AGO2: variants seen among roughly 807,000 people sequenced by gnomAD.
The protein encoded by AGO2 is argonaute RISC catalytic component 2.
In AGO2, 5 loss-of-function variants were observed where a neutral mutation model predicts 102.3. The ratio of observed to expected loss-of-function variants is 0.05; its 90% CI spans 0.03 to 0.10. The LOEUF is 0.10. AGO2 is among the 10% of genes least tolerant of loss of function. The pLI, the probability that AGO2 is intolerant of heterozygous loss-of-function variation, is 1.00. For missense variants in AGO2, 541 were observed against 1,183.7 expected (o/e 0.46, Z 7.97); for synonymous variants, 449 against 473.1 (o/e 0.95, Z 0.66).
chr8:140,551,654 G>GATGGGTGGGTGGATGGTTA (rs2072998330), intron 10 of AGO2, among the ~76,000 whole-genome samples: 1 of 151,708 alleles, frequency 6.6e-6, no homozygotes, highest in Non-Finnish European at 1.5e-5. Flanking sequence ...GTGGATGGTT[G>GATGGGTGGGTGGATGGTTA]ATGGGTGGGT....
At chr8:140,545,939 G>A (rs1439542156) in intron 13 of AGO2, among the ~76,000 whole-genome samples, 1 of 152,166 alleles carries the variant, frequency 6.6e-6, no homozygotes, top group East Asian at 1.9e-4. Context: ...CACGTGGGAG[G>A]GCCTGTCTCT....
intron 1 of AGO2, among the ~76,000 whole-genome samples, chr8:140,624,794 T>C (rs1346427773): frequency 2.0e-5 from 3 of 152,216 alleles, no homozygotes; most frequent in Admixed American, 1.3e-4. Context: ...TGACATCTTC[T>C]GAAACATCTG....
rs928450767 is a variant in AGO2 at position 140,529,480 on chromosome 8, A to G, written c.*2564T>C. On this transcript the variant is annotated 3_prime_UTR_variant, in exon 19 of 19. Coordinates refer to ENST00000220592, the MANE Select transcript of AGO2 (RefSeq NM_012154.5). ...TGACCCAGCTGGAGATGTTTGGTCT[A>G]TTAATGTTTTTAGTATTAAAAGTTT... 9 of 152,362 alleles carry G rather than the reference A, an allele frequency of 5.9e-5. No homozygotes were observed. Among genetic ancestry groups the G allele is most frequent in the Non-Finnish European group, 1.2e-4 (8 of 68,038 alleles). The allele number at this position is 152,362 out of a possible 1,614,324, so 9.4% of individuals were successfully genotyped here. A position where few individuals can be genotyped will look rare whatever the true frequency, so the allele number is the denominator to read the frequency against.
chr8:140,569,875 G>A (rs550306286), intron 3 of AGO2, among the ~76,000 whole-genome samples: 2 of 152,288 alleles, frequency 1.3e-5, no homozygotes, highest in Non-Finnish European at 1.5e-5. Context: ...GATGTGACAC[G>A]GGCCCCCTGT....
chr8:140,580,697 G>A lies in AGO2; in HGVS notation c.215+4422C>T, dbSNP rs546182236. On this transcript the variant is annotated intron_variant, in intron 2 of 18. Transcript: ENST00000220592. Reference sequence around the variant, plus strand: ...TCAGGAAGGTGGGTCATGGGAGGAGGCAGGAGGTAGGCCAGGGCTCCCACA... The same window carrying A: ...TCAGGAAGGTGGGTCATGGGAGGAGACAGGAGGTAGGCCAGGGCTCCCACA... 2.0e-5 allele frequency among the ~76,000 whole-genome samples: 3 copies of A among 152,348 alleles called. No individual in the cohort carries two copies. In the South Asian group the frequency reaches 6.2e-4, roughly 32 times the overall value.
chr8:140,632,974 G>A lies in AGO2; in HGVS notation c.22+2511C>T, dbSNP rs890185014. Among the ~76,000 whole-genome samples, 5 of 150,976 alleles carry A rather than the reference G, an allele frequency of 3.3e-5. No individual in the cohort carries two copies. In the South Asian group the frequency reaches 6.3e-4, roughly 19 times the overall value. On this transcript the variant is annotated intron_variant, in intron 1 of 18. Coordinates refer to ENST00000220592, the MANE Select transcript of AGO2 (RefSeq NM_012154.5). ...TGTCCCCAGGCTGGAGTGCAGTGGC[G>A]CAATCTTGGCTCACTGCAACCTCTG...
intron 17 of AGO2, among the ~76,000 whole-genome samples, chr8:140,532,943 A>G (rs1006389866): frequency 6.6e-6 from 1 of 151,432 alleles, no homozygotes; most frequent in South Asian, 2.1e-4. Flanking sequence ...GGTTGCGGTG[A>G]GCCGAGATCA....
chr8:140,598,481 C>T lies in AGO2; in HGVS notation c.23-13170G>A, dbSNP rs186832108. On this transcript the variant is annotated intron_variant, in intron 1 of 18. Coordinates refer to ENST00000220592, the MANE Select transcript of AGO2 (RefSeq NM_012154.5). ...CTTCTCCAACCTGTGCCAGGCCTGACACTCAGCTCCTCTGGGAGTGCCTCC... is the reference window on the plus strand; with the variant it reads ...CTTCTCCAACCTGTGCCAGGCCTGATACTCAGCTCCTCTGGGAGTGCCTCC... Among the ~76,000 whole-genome samples the T allele has an allele frequency of 7.9e-3, 1,200 of 152,378 alleles. 18 individuals carry two copies. The highest frequency in any genetic ancestry group is 8.6e-3 in the Non-Finnish European group (588 of 68,038).
chr8:140,567,973 T>C lies in AGO2; in HGVS notation c.336+4839A>G, dbSNP rs1021836582. Among the ~76,000 whole-genome samples, 1 of 151,304 alleles carries C rather than the reference T, an allele frequency of 6.6e-6. No individual in the cohort carries two copies. The highest frequency in any genetic ancestry group is 1.5e-5 in the Non-Finnish European group (1 of 67,848). On this transcript the variant is annotated intron_variant, in intron 3 of 18. Transcript: ENST00000220592. This position sits in a 1 kb window ranked among gnomAD's most constrained non-coding sequence, Gnocchi z 5.0. ...AAACTCTGTCCCTACAAAAAGAAAA[T>C]TAGTGGCGGGGCACAGTGGCTCACA... is the stretch of plus-strand genomic sequence containing the variant.
At chr8:140,598,635 G>A (rs1309652260) in intron 1 of AGO2, among the ~76,000 whole-genome samples, 1 of 152,198 alleles carries the variant, frequency 6.6e-6, no homozygotes, top group Non-Finnish European at 1.5e-5. Flanking sequence ...CCCTGTCTGA[G>A]CCCCACCAGG....
intron 1 of AGO2, among the ~76,000 whole-genome samples, chr8:140,629,799 T>C (rs966704554): frequency 5.3e-5 from 8 of 149,648 alleles, no homozygotes; most frequent in African/African-American, 2.0e-4. Flanking sequence ...ACTGTGCCAC[T>C]GCACTCCAGC....
chr8:140,595,858 T>TATATATAATTATATATTATATA (rs1564106931), intron 1 of AGO2, among the ~76,000 whole-genome samples: 1 of 25,796 alleles, frequency 3.9e-5, no homozygotes, highest in African/African-American at 2.1e-4. Context: ...ATATTTATAT[T>TATATATAATTATATATTATATA]ATATACAATT....
At chr8:140,605,082 GA>G (rs1308003035) in intron 1 of AGO2, among the ~76,000 whole-genome samples, 2 of 151,756 alleles carry the variant, frequency 1.3e-5, no homozygotes, top group African/African-American at 4.8e-5. Context: ...ATACATATTT[GA>G]AAAAAAATAC....
chr8:140,584,669 G>A (rs990739323), intron 2 of AGO2, among the ~76,000 whole-genome samples: 2 of 152,166 alleles, frequency 1.3e-5, no homozygotes, highest in African/African-American at 2.4e-5. Context: ...TACACACAAC[G>A]GCGCAGGTGG....
rs2072557160 is a variant in AGO2, at chr8:140,529,675, G to C, written c.*2369C>G. 6.6e-6 allele frequency: 1 copy of C among 152,196 alleles called. No homozygotes were observed. The highest frequency in any genetic ancestry group is 2.4e-5 in the African/African-American group (1 of 41,452). 9.4% of individuals were successfully genotyped at this position (152,196 alleles called of 1,614,324 possible). ...GCTCAGGAAGCACCTCCTCCCTGCT[G>C]GGTGCCACCAGAGCTGGGTCCTCAG... On this transcript the variant is annotated 3_prime_UTR_variant, in exon 19 of 19. Transcript: ENST00000220592.
At chr8:140,560,338 C>G in intron 5 of AGO2, 36 bp downstream of exon 5, 1 of 1,603,880 alleles carries the variant, frequency 6.2e-7, no homozygotes, top group South Asian at 1.1e-5. Flanking sequence ...CATGCCCAAC[C>G]CTGCCCTGCA....
intron 17 of AGO2, 163 bp downstream of exon 17, chr8:140,535,305 C>A: frequency 1.5e-6 from 1 of 689,294 alleles, no homozygotes; most frequent in Non-Finnish European, 2.5e-6. Flanking sequence ...CCTCTCCCCA[C>A]CCCAGCGCCT....
chr8:140,581,948 C>A (rs1010935307), intron 2 of AGO2, among the ~76,000 whole-genome samples: 3 of 152,338 alleles, frequency 2.0e-5, no homozygotes. Flanking sequence ...CAACACTATA[C>A]TCAACAGCAG....
intron 17 of AGO2, among the ~76,000 whole-genome samples, chr8:140,533,282 G>A (rs1401491178): frequency 1.3e-5 from 2 of 151,406 alleles, no homozygotes; most frequent in East Asian, 1.9e-4. Flanking sequence ...CCAGCTACTT[G>A]GGAGGCTGAG....
Sources: allele counts gnomAD v4.1 joint callset (sites outside exome capture counted in the v4.1 genomes callset), GRCh38; gene constraint gnomAD v4.1.1; non-coding constraint Gnocchi (gnomAD v3.1); transcripts MANE v1.5; gene names NCBI Gene and HGNC (gene_info 2026-07-23, HGNC 2026-07-21).